ROCK2: variants seen among roughly 807,000 people sequenced by gnomAD.
The protein encoded by ROCK2 is Rho associated coiled-coil containing protein kinase 2, also known as rho-associated protein kinase 2.
Under a neutral mutation model 195.1 loss-of-function variants are expected in ROCK2, and 61 were observed. The ratio of observed to expected loss-of-function variants is 0.31; its 90% CI spans 0.25 to 0.39. The LOEUF (loss-of-function observed/expected upper bound fraction) is 0.39, where lower values mean the gene tolerates loss of function less well. Among genes scored for constraint, ROCK2 ranks in the 10% least tolerant of loss-of-function variants. The probability of loss-of-function intolerance (pLI) is 1.00; values close to 1 mark genes in which losing one functional copy is unlikely to be tolerated. For synonymous variants in ROCK2, 504 were observed against 545.5 expected, an observed-to-expected ratio of 0.92 and a Z score of 1.06; for missense variants, 1,109 against 1,637.4, an observed-to-expected ratio of 0.68 and a Z score of 5.57.
chr2:11,183,775 C>G (rs980797074), intron 32 of ROCK2, among the ~76,000 whole-genome samples: 7 of 152,114 alleles, frequency 4.6e-5, no homozygotes, highest in African/African-American at 1.4e-4. Context: ...GTTTAACTGC[C>G]AGCTGCCTCA....
At chr2:11,319,942 T>C (rs994829470) in intron 1 of ROCK2, among the ~76,000 whole-genome samples, 16 of 152,162 alleles carry the variant, frequency 1.1e-4, no homozygotes, top group African/African-American at 2.9e-4. Flanking sequence ...AGAAAACACC[T>C]TAAAACTATT....
chr2:11,267,575 A>G (rs932343805), intron 3 of ROCK2, among the ~76,000 whole-genome samples: 3 of 151,974 alleles, frequency 2.0e-5, no homozygotes, highest in Non-Finnish European at 4.4e-5. Context: ...ACAAAGCTTC[A>G]TTGCTTTCTG....
At chr2:11,271,877 G>A (rs758248367) in intron 3 of ROCK2, among the ~76,000 whole-genome samples, 4 of 151,966 alleles carry the variant, frequency 2.6e-5, no homozygotes, top group South Asian at 2.1e-4. Context: ...AAAATTAGCC[G>A]GGCGTGGTGG....
intron 1 of ROCK2, among the ~76,000 whole-genome samples, chr2:11,332,601 T>C (rs921944620): frequency 7.2e-5 from 11 of 152,214 alleles, no homozygotes; most frequent in African/African-American, 2.4e-4. Flanking sequence ...ACCAAGTGTT[T>C]TGTGATAATA....
chr2:11,315,145 T>C (rs1668151591), intron 1 of ROCK2, among the ~76,000 whole-genome samples: 1 of 152,000 alleles, frequency 6.6e-6, no homozygotes, highest in South Asian at 2.1e-4. Context: ...TACTCTAGTA[T>C]AAGACACAAA....
chr2:11,264,876 C>G (rs1666359358), intron 3 of ROCK2, among the ~76,000 whole-genome samples: 1 of 152,132 alleles, frequency 6.6e-6, no homozygotes, highest in South Asian at 2.1e-4. Context: ...AAGTGAAATA[C>G]TATACAGCCA....
intron 20 of ROCK2, among the ~76,000 whole-genome samples, chr2:11,206,831 T>C (rs1233929910): frequency 6.6e-6 from 1 of 152,258 alleles, no homozygotes; most frequent in East Asian, 1.9e-4. Context: ...AAGCTATTAC[T>C]GCTCCCTTTC....
chr2:11,237,849 A>T (rs1277495022), intron 4 of ROCK2, among the ~76,000 whole-genome samples: 6 of 152,200 alleles, frequency 3.9e-5, no homozygotes, highest in Non-Finnish European at 8.8e-5. Context: ...AGGCCGAGGC[A>T]GGCAGATCAC....
Position 11,183,299 on chromosome 2 carries a change from A to C in ROCK2, c.*138T>G. 1.7e-6 allele frequency: 1 copy of C among 577,526 alleles called. No individual in the cohort carries two copies. Among genetic ancestry groups the C allele is most frequent in the Non-Finnish European group, 3.0e-6 (1 of 332,218 alleles). The allele number at this position is 577,526 out of a possible 1,614,324, so 35.8% of individuals were successfully genotyped here. The stretch of plus-strand genomic sequence containing the variant: ...TTTATATTACAGGGAAAAGGGGAAC[A>C]CATATATGTATGAGTGTATGTATCA... On this transcript the variant is annotated 3_prime_UTR_variant, in exon 33 of 33. Transcript: ENST00000315872.
At position 11,215,061 on chromosome 2, in the gene ROCK2, C is replaced by A. The variant is rs747260728; in HGVS notation, c.1715G>T (p.Arg572Leu). The change falls in exon 16 of 33, where the codon CGA (arginine) becomes CTA (leucine). Residue 572 changes from arginine (R) to leucine (L), a missense_variant. This residue lies in a region of ROCK2 where 542 missense variants were observed against 672.0 expected (regional missense o/e 0.81). Transcript: ENST00000315872. ...RQLDETNALL[R>L]TESDTAARLR... ...CCGGGCTGCAGTATCAGACTCTGTT[C>A]GCAGTAAAGCATTGGTTTCATCCAG... is the stretch of plus-strand genomic sequence containing the variant. The A allele has an allele frequency of 6.2e-7, 1 of 1,613,878 alleles. No homozygotes were observed. The highest frequency in any genetic ancestry group is 1.1e-5 in the South Asian group (1 of 91,066).
chr2:11,238,004 G>A (rs1665274211), intron 4 of ROCK2, among the ~76,000 whole-genome samples: 1 of 152,166 alleles, frequency 6.6e-6, no homozygotes, highest in Non-Finnish European at 1.5e-5. Flanking sequence ...CTGGAACCCG[G>A]GAGGCAGAGG....
At chr2:11,196,803 G>A (rs575753285) in intron 27 of ROCK2, among the ~76,000 whole-genome samples, 21 of 152,264 alleles carry the variant, frequency 1.4e-4, no homozygotes, top group African/African-American at 5.1e-4. Flanking sequence ...ATTGAGAGAA[G>A]TAGAGGAACG....
intron 3 of ROCK2, among the ~76,000 whole-genome samples, chr2:11,257,646 A>G (rs539510701): frequency 1.3e-5 from 2 of 151,420 alleles, no homozygotes; most frequent in East Asian, 3.9e-4. Context: ...AGATATGGAA[A>G]TGTGAATCTG....
intron 20 of ROCK2, among the ~76,000 whole-genome samples, chr2:11,203,039 T>G (rs1046759959): frequency 2.0e-5 from 3 of 152,102 alleles, no homozygotes; most frequent in African/African-American, 7.2e-5. Flanking sequence ...CTGCACAGAT[T>G]TGTATACTTT....
chr2:11,333,892 T>C (rs1338743680), intron 1 of ROCK2, among the ~76,000 whole-genome samples: 1 of 152,068 alleles, frequency 6.6e-6, no homozygotes, highest in Non-Finnish European at 1.5e-5. Flanking sequence ...ATGACACATA[T>C]AAATAATAAA....
At chr2:11,281,931 T>G (rs942393069) in intron 3 of ROCK2, among the ~76,000 whole-genome samples, 5 of 152,174 alleles carry the variant, frequency 3.3e-5, no homozygotes, top group African/African-American at 1.2e-4. Flanking sequence ...TCTTCAAATA[T>G]AGACCAAGTT....
intron 4 of ROCK2, among the ~76,000 whole-genome samples, chr2:11,240,910 C>T (rs1665402636): frequency 6.6e-6 from 1 of 152,010 alleles, no homozygotes; most frequent in African/African-American, 2.4e-5. Flanking sequence ...TAAACACAGC[C>T]ACTAGAACAA....
At chr2:11,208,244 A>T in intron 19 of ROCK2, 43 bp downstream of exon 19, 42 of 890,752 alleles carry the variant, frequency 4.7e-5, no homozygotes, top group South Asian at 1.6e-4. Flanking sequence ...AAACCTATTA[A>T]TTCATTAGTT....
chr2:11,199,307 CTT>C (rs34933587), intron 23 of ROCK2, among the ~76,000 whole-genome samples: 5 of 146,484 alleles, frequency 3.4e-5, no homozygotes, highest in Non-Finnish European at 4.5e-5. Flanking sequence ...ATGTGATTTT[CTT>C]TTTTTTTTTT....
Sources: gnomAD v4.1 joint callset for allele counts (sites outside exome capture counted in the v4.1 genomes callset) on GRCh38, gnomAD v4.1.1 for gene constraint, gnomAD v4.1.1 regional missense constraint, MANE v1.5 for transcripts, NCBI Gene and HGNC (gene_info 2026-07-23, HGNC 2026-07-21) for gene names.